Variants in SENP7 observed in about 807,000 individuals in gnomAD.
The protein encoded by SENP7 is sentrin-specific protease 7.
SENP7 carries 64 observed loss-of-function variants against 141.2 expected under a neutral mutation model. The observed-to-expected ratio is 0.45, with a 90% CI of 0.37 to 0.56. The LOEUF (loss-of-function observed/expected upper bound fraction) is 0.56. Ranked by LOEUF, SENP7 falls within the 20% of genes least tolerant of loss-of-function variation. SENP7 has a pLI of 0.00. For missense variants in SENP7, 1,025 were observed against 1,212.2 expected, an observed-to-expected ratio of 0.85 and a Z score of 2.29; for synonymous variants, 382 against 426.4, an observed-to-expected ratio of 0.90 and a Z score of 1.28.
At chr3:101,424,166 G>T (rs925271664) in intron 4 of SENP7, among the ~76,000 whole-genome samples, 1 of 152,102 alleles carries the variant, frequency 6.6e-6, no homozygotes, top group Admixed American at 6.5e-5. Flanking sequence ...GTGTCTACTT[G>T]CAGGGCAGCA....
chr3:101,327,041 TG>T (rs1249059245), intron 23 of SENP7, among the ~76,000 whole-genome samples: 1 of 152,134 alleles, frequency 6.6e-6, no homozygotes, highest in African/African-American at 2.4e-5. Context: ...ATTTTTTTTT[TG>T]TATACTCCAT....
chr3:101,351,672 CA>C, intron 11 of SENP7, 21 bp from the exon 12 acceptor site: 1 of 1,331,856 alleles, frequency 7.5e-7, no homozygotes, highest in Middle Eastern at 2.0e-4. Flanking sequence ...AATTAAAAAG[CA>C]AACAATGAGT....
At chr3:101,370,292 T>G (rs1328516017) in intron 7 of SENP7, among the ~76,000 whole-genome samples, 2 of 152,150 alleles carry the variant, frequency 1.3e-5, no homozygotes, top group Non-Finnish European at 2.9e-5. Flanking sequence ...AGTCCTCACA[T>G]TCTACTGCTT....
chr3:101,342,337 ATTC>A (rs1487022360), intron 14 of SENP7, among the ~76,000 whole-genome samples: 2 of 152,180 alleles, frequency 1.3e-5, no homozygotes, highest in Non-Finnish European at 2.9e-5. Context: ...TTCTTAATAA[ATTC>A]TTTTCTTTCT....
chr3:101,388,890 G>C lies in SENP7; in HGVS notation c.677+9971C>G, dbSNP rs77181630. Among the ~76,000 whole-genome samples, 1,459 of 151,110 alleles carry C rather than the reference G, an allele frequency of 9.7e-3. 23 individuals carry two copies. Among genetic ancestry groups the C allele is most frequent in the African/African-American group, 0.034 (1,384 of 41,266 alleles). The stretch of plus-strand genomic sequence containing the variant: ...AATCAAAAGCTTCAACAATAGACTA[G>C]ACCAAGAAGAATTTCTGAACTTGAA... On this transcript the variant is annotated intron_variant, in intron 6 of 23. Transcript: ENST00000394095.
chr3:101,361,097 C>T (rs1395283443), intron 11 of SENP7, among the ~76,000 whole-genome samples: 4 of 151,666 alleles, frequency 2.6e-5, no homozygotes. Flanking sequence ...CCCAGCTACT[C>T]GGGAGGCTGA....
intron 4 of SENP7, chr3:101,457,815 A>G: frequency 1.7e-6 from 1 of 585,334 alleles, no homozygotes; most frequent in Non-Finnish European, 3.1e-6. Context: ...TTAGGCGCAC[A>G]CATGCGGAGA....
In SENP7 at chr3:101,465,494, GC is replaced by G. The variant is rs540268096; in HGVS notation, c.187-6443del. 1.3e-4 allele frequency among the ~76,000 whole-genome samples: 20 copies of G among 152,302 alleles called. No homozygotes were observed. In the East Asian group the frequency reaches 2.7e-3, roughly 21 times the overall value. On this transcript the variant is annotated intron_variant, in intron 3 of 23. Coordinates refer to ENST00000394095, the MANE Select transcript of SENP7 (RefSeq NM_020654.5). ...TGCTCAGCAAAGCCTCACCATGGCT[GC>G]CATTAACAAAAGCAGTCTGCATCAC...
chr3:101,440,579 A>AT lies in SENP7; in HGVS notation c.284+18375dup, dbSNP rs202149899. 5.9e-4 allele frequency among the ~76,000 whole-genome samples: 79 copies of AT among 133,392 alleles called. No individual in the cohort carries two copies. The East Asian group carries it at 6.3e-3, about 11-fold the overall frequency. The allele number at this position is 133,392 out of a possible 152,430, so 87.5% of individuals were successfully genotyped here. On this transcript the variant is annotated intron_variant, in intron 4 of 23. Coordinates refer to ENST00000394095, the MANE Select transcript of SENP7 (RefSeq NM_020654.5). ...CCAAGAATTATCAATAAAAAAATAA[A>AT]TTAAAAAAAAAAAAAAAAGAATGAG...
intron 3 of SENP7, among the ~76,000 whole-genome samples, chr3:101,477,259 T>G (rs966437205): frequency 6.6e-6 from 1 of 151,142 alleles, no homozygotes; most frequent in African/African-American, 2.4e-5. Context: ...CAGACCACAA[T>G]GGAAAAAAAA....
chr3:101,382,787 A>T (rs2060540486), intron 6 of SENP7, among the ~76,000 whole-genome samples: 1 of 152,196 alleles, frequency 6.6e-6, no homozygotes, highest in African/African-American at 2.4e-5. Context: ...GGGGTTAAAG[A>T]GGTCTTGCCA....
chr3:101,433,582 C>A (rs1290278977), intron 4 of SENP7, among the ~76,000 whole-genome samples: 1 of 152,036 alleles, frequency 6.6e-6, no homozygotes, highest in Non-Finnish European at 1.5e-5. Context: ...AAAATGTACT[C>A]CATTCCAATG....
At chr3:101,463,664 A>G (rs981033667) in intron 3 of SENP7, among the ~76,000 whole-genome samples, 58 of 151,556 alleles carry the variant, frequency 3.8e-4, no homozygotes, top group Non-Finnish European at 7.1e-4. Flanking sequence ...AATATTCAAA[A>G]TGTCCAGGAT....
rs187473089 is a variant in SENP7, at chr3:101,494,098, T to C, written c.91-130A>G. 47 of 452,046 alleles carry C rather than the reference T, an allele frequency of 1.0e-4. No homozygotes were observed. The East Asian group carries it at 1.4e-3, about 14-fold the overall frequency. The allele number at this position is 452,046 out of a possible 1,614,324, so 28.0% of individuals were successfully genotyped here. ...TTTTAAGGAGTTTTAAATTCAGTGC[T>C]TAATTTATATACAATTAAATATAAT... On this transcript the variant is annotated intron_variant, in intron 2 of 23. Transcript: ENST00000394095.
chr3:101,433,620 T>A (rs1408201153), intron 4 of SENP7, among the ~76,000 whole-genome samples: 1 of 152,212 alleles, frequency 6.6e-6, no homozygotes, highest in African/African-American at 2.4e-5. Context: ...GGAGTCACTA[T>A]ACTTCTATGA....
Position 101,368,021 on chromosome 3 carries a change from C to G in SENP7, c.797-10G>C. 6.3e-7 allele frequency: 1 copy of G among 1,588,808 alleles called. No homozygotes were observed. Among genetic ancestry groups the G allele is most frequent in the South Asian group, 1.2e-5 (1 of 86,682 alleles). On this transcript the variant is annotated splice_polypyrimidine_tract_variant and intron_variant, in intron 7 of 23. Transcript: ENST00000394095. ...CTTCCACTGTTAAGGTCTTAAAAAA[C>G]AAATGAAGCATAAATATGGACAAAA... is the stretch of plus-strand genomic sequence containing the variant.
chr3:101,374,599 C>CCACACACACA (rs35499343), intron 6 of SENP7, among the ~76,000 whole-genome samples: 7 of 149,146 alleles, frequency 4.7e-5, no homozygotes, highest in Non-Finnish European at 8.9e-5. Context: ...TTCACCCCAC[C>CCACACACACA]CACACACACA....
chr3:101,422,809 A>C (rs1320858161), intron 4 of SENP7, among the ~76,000 whole-genome samples: 1 of 152,182 alleles, frequency 6.6e-6, no homozygotes, highest in Non-Finnish European at 1.5e-5. Context: ...GACCCAGCAT[A>C]ATCACAGCAG....
intron 3 of SENP7, among the ~76,000 whole-genome samples, chr3:101,473,880 T>C (rs955624980): frequency 6.6e-6 from 1 of 152,228 alleles, no homozygotes; most frequent in Non-Finnish European, 1.5e-5. Flanking sequence ...TACATTTAAG[T>C]CTTTAATCCA....
Sources: allele counts gnomAD v4.1 joint callset (sites outside exome capture counted in the v4.1 genomes callset), GRCh38; gene constraint gnomAD v4.1.1; transcripts MANE v1.5; gene names NCBI Gene and HGNC (gene_info 2026-07-23, HGNC 2026-07-21).